MPDZ: variants seen among roughly 807,000 people sequenced by gnomAD.
The protein encoded by MPDZ is multiple PDZ domain protein.
A neutral mutation model predicts 239.1 loss-of-function variants in MPDZ; 234 were observed. The observed-to-expected ratio is 0.98, with a 90% CI of 0.88 to 1.09. The LOEUF (loss-of-function observed/expected upper bound fraction) is 1.09, where lower values mean the gene tolerates loss of function less well. Ranked by LOEUF, MPDZ falls within the 50% of genes least tolerant of loss-of-function variation. The probability of loss-of-function intolerance (pLI) is 0.00; values close to 1 mark genes in which losing one functional copy is unlikely to be tolerated. For missense variants in MPDZ, 3,175 were observed against 2,510.0 expected, an observed-to-expected ratio of 1.26 and a Z score of -5.66; for synonymous variants, 1,048 against 881.3, an observed-to-expected ratio of 1.19 and a Z score of -3.35.
chr9:13,205,268 G>GA (rs1956863775), intron 11 of MPDZ, among the ~76,000 whole-genome samples, 161 bp from the exon 12 acceptor site: 4 of 152,172 alleles, frequency 2.6e-5, no homozygotes, highest in African/African-American at 9.6e-5. Flanking sequence ...TCTGTTAGTG[G>GA]AAAAGAATAC....
chr9:13,167,373 A>G (rs1458564721), intron 22 of MPDZ, among the ~76,000 whole-genome samples: 1 of 152,124 alleles, frequency 6.6e-6, no homozygotes, highest in Non-Finnish European at 1.5e-5. Flanking sequence ...TTGCCTAAAA[A>G]TAATACTTTT....
At chr9:13,136,570 C>A in intron 30 of MPDZ, 142 bp downstream of exon 30, 1 of 609,322 alleles carries the variant, frequency 1.6e-6, no homozygotes, top group Non-Finnish European at 2.9e-6. Context: ...TCATGATCCG[C>A]CCGCCTCAGC....
intron 1 of MPDZ, among the ~76,000 whole-genome samples, chr9:13,263,622 T>C (rs896441008): frequency 2.0e-5 from 3 of 152,218 alleles, no homozygotes; most frequent in Admixed American, 2.0e-4. Flanking sequence ...CATTTTCTGA[T>C]GCTACTCTGC....
At chr9:13,195,626 T>TA (rs1176508837) in intron 13 of MPDZ, among the ~76,000 whole-genome samples, 1 of 151,954 alleles carries the variant, frequency 6.6e-6, no homozygotes, top group Non-Finnish European at 1.5e-5. Flanking sequence ...CTAATAAACA[T>TA]AAAACATTCA....
chr9:13,149,881 G>A (rs1476529003), intron 25 of MPDZ, among the ~76,000 whole-genome samples: 1 of 152,014 alleles, frequency 6.6e-6, no homozygotes, highest in East Asian at 1.9e-4. Context: ...ACACAGCACT[G>A]AAAAGGAGCG....
chr9:13,114,148 A>G, intron 40 of MPDZ, 127 bp from the exon 41 acceptor site: 1 of 752,928 alleles, frequency 1.3e-6, no homozygotes, highest in Non-Finnish European at 2.2e-6. Context: ...TAATTTGATG[A>G]GCAATTTAAA....
chr9:13,164,650 T>C (rs1340860365), intron 22 of MPDZ, among the ~76,000 whole-genome samples: 2 of 152,180 alleles, frequency 1.3e-5, no homozygotes, highest in East Asian at 1.9e-4. Context: ...TTTTTCTTTA[T>C]ATTTGTTCAA....
At position 13,222,902 on chromosome 9, in the gene MPDZ, C is replaced by T. The variant is rs866005434; in HGVS notation, c.534-456G>A. Among the ~76,000 whole-genome samples, 7 of 151,346 alleles carry T rather than the reference C, an allele frequency of 4.6e-5. No homozygotes were observed. In the Middle Eastern group the frequency reaches 0.014, roughly 302 times the overall value. Reference sequence around the variant, plus strand: ...GGATCACATCCATAGATTAGATCCCCAACTGGGGATCACATCCATAGATTA... The same window carrying T: ...GGATCACATCCATAGATTAGATCCCTAACTGGGGATCACATCCATAGATTA... On this transcript the variant is annotated intron_variant, in intron 5 of 46. Coordinates refer to ENST00000319217, the MANE Select transcript of MPDZ (RefSeq NM_001378778.1).
chr9:13,195,198 G>A (rs1024616285), intron 13 of MPDZ, among the ~76,000 whole-genome samples: 3 of 152,096 alleles, frequency 2.0e-5, no homozygotes, highest in East Asian at 1.9e-4. Flanking sequence ...TGAGGCAGGA[G>A]AAAAGTTTGA....
At position 13,193,208 on chromosome 9, in the gene MPDZ, C is replaced by T; in HGVS notation, c.1762G>A (p.Gly588Arg). The change falls in exon 14 of 47, where the codon GGA becomes AGA. Residue 588 changes from glycine (G) to arginine (R), a missense_variant. By Grantham distance (125) the Gly-to-Arg change is moderately radical (BLOSUM62 -2). Coordinates refer to ENST00000319217, the MANE Select transcript of MPDZ (RefSeq NM_001378778.1). ...IRSVLPEGPV[G>R]HSGKLFSGDE... is the part of the protein sequence containing the mutation. ...CCACTGAAGAGCTTCCCGCTGTGTCCAACAGGACCCTCTGGTAGAACAGAT... is the reference window on the plus strand; with the variant it reads ...CCACTGAAGAGCTTCCCGCTGTGTCTAACAGGACCCTCTGGTAGAACAGAT... 2 of 1,607,322 alleles carry T rather than the reference C, an allele frequency of 1.2e-6. No individual in the cohort carries two copies. The highest frequency in any genetic ancestry group is 1.1e-5 in the South Asian group (1 of 89,964).
chr9:13,192,811 A>T (rs1164138846), intron 14 of MPDZ, among the ~76,000 whole-genome samples: 1 of 152,190 alleles, frequency 6.6e-6, no homozygotes, highest in African/African-American at 2.4e-5. Flanking sequence ...AACTGGATGA[A>T]TTGGGACAGG....
intron 3 of MPDZ, among the ~76,000 whole-genome samples, chr9:13,237,243 G>A (rs1351284264): frequency 6.6e-6 from 1 of 151,238 alleles, no homozygotes; most frequent in Non-Finnish European, 1.5e-5. Context: ...AGGAGTTCGA[G>A]ACCCGCCTGA....
chr9:13,235,679 T>C (rs1963749074), intron 3 of MPDZ, among the ~76,000 whole-genome samples: 1 of 152,154 alleles, frequency 6.6e-6, no homozygotes, highest in African/African-American at 2.4e-5. Flanking sequence ...ATTTAGAAAA[T>C]AAGTCCTTAA....
Position 13,122,084 on chromosome 9 carries a change from T to TA in MPDZ, c.5037+2dup. 1 of 1,613,878 alleles carries TA rather than the reference T, an allele frequency of 6.2e-7. No homozygotes were observed. On this transcript the variant is annotated splice_region_variant and intron_variant, in intron 37 of 46. Transcript: ENST00000319217. ...TTGAAGGTCAAAAACAGGCATTCTA[T>TA]ACCTCTAAGATCTGATCTCCAGCCC...
chr9:13,134,678 A>G (rs1411437613), intron 31 of MPDZ: 5 of 151,984 alleles, frequency 3.3e-5, no homozygotes, highest in Admixed American at 2.6e-4. Context: ...CACTCTCCCA[A>G]TTCTCTGTCA....
chr9:13,118,198 C>T (rs1943789796), intron 39 of MPDZ, among the ~76,000 whole-genome samples: 2 of 152,084 alleles, frequency 1.3e-5, no homozygotes, highest in African/African-American at 4.8e-5. Context: ...TTTATGGATG[C>T]TTCCATTTTT....
At chr9:13,163,140 T>C (rs1000588930) in intron 22 of MPDZ, among the ~76,000 whole-genome samples, 1 of 152,148 alleles carries the variant, frequency 6.6e-6, no homozygotes, top group Non-Finnish European at 1.5e-5. Context: ...AGAATAATGA[T>C]TGTCAGCAAT....
chr9:13,143,585 C>A (rs138701801), intron 26 of MPDZ, 21 bp from the exon 27 acceptor site: 1 of 1,581,902 alleles, frequency 6.3e-7, no homozygotes, highest in Admixed American at 1.7e-5. Flanking sequence ...ACATAAGAGG[C>A]GCTGAACGCA....
chr9:13,174,062 T>G (rs1226982667), intron 21 of MPDZ, among the ~76,000 whole-genome samples: 2 of 152,212 alleles, frequency 1.3e-5, no homozygotes, highest in African/African-American at 4.8e-5. Flanking sequence ...GCCTTACTTC[T>G]AAGCAGCTTT....
Sources: allele counts gnomAD v4.1 joint callset (sites outside exome capture counted in the v4.1 genomes callset), GRCh38; gene constraint gnomAD v4.1.1; transcripts MANE v1.5; gene names NCBI Gene and HGNC (gene_info 2026-07-23, HGNC 2026-07-21).